The following COBLL1 variants were observed in gnomAD, a reference collection of about 807,000 sequenced individuals.
The protein encoded by COBLL1 is cordon-bleu WH2 repeat protein like 1.
COBLL1 carries 50 observed loss-of-function variants against 94.8 expected under a neutral mutation model. The observed-to-expected ratio is 0.53, with a 90% CI of 0.42 to 0.67. The LOEUF is 0.67. COBLL1 is among the 30% of genes least tolerant of loss of function. The pLI is 0.00. For missense variants in COBLL1, 1,362 were observed against 1,348.7 expected (o/e 1.01, Z -0.15); for synonymous variants, 448 against 473.8 (o/e 0.95, Z 0.71).
chr2:164,802,176 G>T (rs1683843233), intron 2 of COBLL1, among the ~76,000 whole-genome samples: 1 of 152,148 alleles, frequency 6.6e-6, no homozygotes. Context: ...AGTGACAAAA[G>T]AAAAGTGTAT....
chr2:164,687,250 G>A (rs551918152), intron 13 of COBLL1: 91 of 414,316 alleles, frequency 2.2e-4, no homozygotes, highest in African/African-American at 1.9e-3. Context: ...GAATTTATTG[G>A]TTAGTATTAA....
chr2:164,677,224 G>A (rs376622066), downstream of COBLL1, among the ~76,000 whole-genome samples: 6 of 151,944 alleles, frequency 3.9e-5, no homozygotes, highest in East Asian at 7.7e-4. Flanking sequence ...TGTGCCCATC[G>A]GAACTTGGGC....
intron 1 of COBLL1, chr2:164,666,047 C>T (rs771401384): frequency 6.6e-6 from 1 of 152,070 alleles, no homozygotes; most frequent in Non-Finnish European, 1.5e-5. Context: ...ATGTGTGATA[C>T]ATATAATTAA....
At chr2:164,754,724 C>T (rs570390247) in intron 2 of COBLL1, among the ~76,000 whole-genome samples, 21 of 152,316 alleles carry the variant, frequency 1.4e-4, no homozygotes, top group African/African-American at 5.1e-4. Flanking sequence ...AATCCAAGAA[C>T]CTTTCTTGTT....
intron 7 of COBLL1, among the ~76,000 whole-genome samples, chr2:164,709,185 A>G (rs1012737293): frequency 2.6e-5 from 4 of 152,232 alleles, no homozygotes; most frequent in Admixed American, 2.0e-4. Context: ...TAAAGAATTT[A>G]AAATTTGTCA....
intron 2 of COBLL1, among the ~76,000 whole-genome samples, chr2:164,750,185 C>T (rs917793362): frequency 6.6e-6 from 1 of 152,146 alleles, no homozygotes; most frequent in African/African-American, 2.4e-5. Flanking sequence ...ACTTTTATTC[C>T]CAACAATCTC....
At chr2:164,752,823 G>A (rs530583245) in intron 2 of COBLL1, among the ~76,000 whole-genome samples, 17 of 152,260 alleles carry the variant, frequency 1.1e-4, no homozygotes, top group Admixed American at 1.0e-3. Context: ...ATGGCCACTT[G>A]TGTTACCGTA....
intron 2 of COBLL1, among the ~76,000 whole-genome samples, chr2:164,820,779 C>T (rs1402675908): frequency 1.3e-5 from 2 of 152,282 alleles, no homozygotes; most frequent in South Asian, 4.1e-4. Context: ...AGTTTATGAG[C>T]AGTGGTAACC....
In COBLL1 at chr2:164,683,033, C is replaced by CAG. The variant is rs1396288657; in HGVS notation, c.*2912_*2913insCT. 1 of 152,388 alleles carries CAG rather than the reference C, an allele frequency of 6.6e-6. No homozygotes were observed. The highest frequency in any genetic ancestry group is 1.5e-5 in the Non-Finnish European group (1 of 68,680). The allele number at this position is 152,388 out of a possible 1,614,324, so 9.4% of individuals were successfully genotyped here. On this transcript the variant is annotated 3_prime_UTR_variant, in exon 14 of 14. Transcript: ENST00000652658. ...ACACACACACACACACACACACACA[C>CAG]ACACACAAAAGCCCCCAACAAACCT...
chr2:164,701,209 T>A (rs570367346), intron 9 of COBLL1, among the ~76,000 whole-genome samples: 12 of 152,290 alleles, frequency 7.9e-5, no homozygotes, highest in African/African-American at 2.9e-4. Flanking sequence ...TAGTACCAAC[T>A]ATACTTGAGA....
chr2:164,731,689 A>T (rs1477660788), intron 3 of COBLL1, among the ~76,000 whole-genome samples: 3 of 152,144 alleles, frequency 2.0e-5, no homozygotes, highest in African/African-American at 7.2e-5. Context: ...TCTGCATCCC[A>T]CCTCGAAAGG....
intron 2 of COBLL1, among the ~76,000 whole-genome samples, chr2:164,809,677 T>A (rs886832468): frequency 2.0e-5 from 3 of 152,004 alleles, no homozygotes; most frequent in East Asian, 3.8e-4. Context: ...TGACTATTAG[T>A]CATTTCCATT....
intron 2 of COBLL1, among the ~76,000 whole-genome samples, chr2:164,785,034 T>C (rs1467547689): frequency 2.0e-5 from 3 of 152,242 alleles, no homozygotes; most frequent in Admixed American, 6.5e-5. Context: ...TGGGCTCTCT[T>C]GCTCTTCTGC....
At chr2:164,750,900 T>C (rs1432504548) in intron 2 of COBLL1, among the ~76,000 whole-genome samples, 1 of 152,174 alleles carries the variant, frequency 6.6e-6, no homozygotes. Context: ...GTGATTCTGA[T>C]GTATGCTAAA....
intron 2 of COBLL1, among the ~76,000 whole-genome samples, chr2:164,822,131 A>G (rs905632231): frequency 6.6e-6 from 1 of 152,228 alleles, no homozygotes; most frequent in Non-Finnish European, 1.5e-5. Flanking sequence ...ACACAGAGTC[A>G]AAGACATTTA....
At chr2:164,715,609 A>G (rs1200294177) in intron 7 of COBLL1, among the ~76,000 whole-genome samples, 2 of 152,108 alleles carry the variant, frequency 1.3e-5, no homozygotes, top group African/African-American at 4.8e-5. Flanking sequence ...TTATCTGCTT[A>G]TAAACCATGA....
intron 10 of COBLL1, among the ~76,000 whole-genome samples, chr2:164,699,762 T>C (rs973472882): frequency 6.6e-6 from 1 of 152,046 alleles, no homozygotes; most frequent in Non-Finnish European, 1.5e-5. Context: ...TAGACACTTT[T>C]CCAAAATAGT....
chr2:164,730,195 T>G (rs13395130), intron 3 of COBLL1, 80 bp from the exon 4 acceptor site: 176,601 of 1,226,214 alleles, frequency 0.14, 14,363 homozygotes, highest in African/African-American at 0.32. Flanking sequence ...GATAAACAAG[T>G]CTACAAGATA....
chr2:164,768,567 T>C (rs1233154116), intron 2 of COBLL1, among the ~76,000 whole-genome samples: 2 of 152,138 alleles, frequency 1.3e-5, no homozygotes. Flanking sequence ...CCAGAAACCA[T>C]TTTTATTCAT....
Sources: allele counts gnomAD v4.1 joint callset (sites outside exome capture counted in the v4.1 genomes callset), GRCh38; gene constraint gnomAD v4.1.1; transcripts MANE v1.5; gene names NCBI Gene and HGNC (gene_info 2026-07-23, HGNC 2026-07-21).